Variants in SERPINB9 observed in about 807,000 individuals in gnomAD.
SERPINB9 encodes serpin family B member 9.
A neutral mutation model predicts 27.2 loss-of-function variants in SERPINB9; 20 were observed. That is an observed-to-expected ratio of 0.74 (90% CI 0.52 to 1.07). The LOEUF is 1.07. SERPINB9 is among the 50% of genes least tolerant of loss of function. The pLI, the probability that SERPINB9 is intolerant of heterozygous loss-of-function variation, is 0.00. For missense variants in SERPINB9, 476 were observed against 460.1 expected (o/e 1.03, Z -0.32); for synonymous variants, 189 against 180.0 (o/e 1.05, Z -0.40).
Position 2,890,644 on chromosome 6 carries a change from C to T in SERPINB9, c.724-74G>A. The T allele has an allele frequency of 2.9e-6, 4 of 1,382,462 alleles. No individual in the cohort carries two copies. The highest frequency in any genetic ancestry group is 4.0e-6 in the Non-Finnish European group (4 of 1,004,074). 85.6% of individuals were successfully genotyped at this position (1,382,462 alleles called of 1,614,324 possible). ...ACAAGCGCACAGGCACTCACAGTTCCCTTCCTCCCCTTGCACGTAGGTGTT... is the reference window on the plus strand; with the variant it reads ...ACAAGCGCACAGGCACTCACAGTTCTCTTCCTCCCCTTGCACGTAGGTGTT... On this transcript the variant is annotated intron_variant, in intron 6 of 6. Transcript: ENST00000380698. This position sits in a 1 kb window ranked among gnomAD's most constrained non-coding sequence, Gnocchi z 6.2.
rs1429316027 is a variant in SERPINB9, at chr6:2,902,816, C to T, written c.-11+385G>A. On this transcript the variant is annotated intron_variant, in intron 1 of 6. Coordinates refer to ENST00000380698, the MANE Select transcript of SERPINB9 (RefSeq NM_004155.6). ...TACAGGCGTGAGCCACTGCGCCCGG[C>T]CGAGACTGGTGACTGTAAAGGACAG... Among the ~76,000 whole-genome samples the T allele has an allele frequency of 2.6e-5, 4 of 152,204 alleles. No homozygotes were observed. The East Asian group carries it at 7.7e-4, about 29-fold the overall frequency.
chr6:2,901,981 ATCCT>A (rs1399535222), intron 1 of SERPINB9, among the ~76,000 whole-genome samples: 1 of 151,964 alleles, frequency 6.6e-6, no homozygotes, highest in Non-Finnish European at 1.5e-5. Context: ...CGGTGTCTTA[ATCCT>A]CTTGTCCTTC....
Position 2,890,875 on chromosome 6 carries a change from G to GT in SERPINB9, c.724-306dup, listed in dbSNP as rs779177496. On this transcript the variant is annotated intron_variant, in intron 6 of 6. Transcript: ENST00000380698. The surrounding 1 kb of genome is among the most constrained non-coding windows in gnomAD (Gnocchi z 6.2). Reference sequence around the variant, plus strand: ...CAAGTGTCAATGCCCAGGCGACTGTGTTTTTTTTTCAAACATAGTCTTTTT... The same window carrying GT: ...CAAGTGTCAATGCCCAGGCGACTGTGTTTTTTTTTTCAAACATAGTCTTTTT... 7.3e-5 allele frequency among the ~76,000 whole-genome samples: 11 copies of GT among 150,772 alleles called. No homozygotes were observed. The highest frequency in any genetic ancestry group is 2.1e-4 in the South Asian group (1 of 4,714).
chr6:2,891,823 C>T lies in SERPINB9; in HGVS notation c.723+10G>A, dbSNP rs772580805. The T allele has an allele frequency of 8.8e-6, 14 of 1,583,862 alleles. No homozygotes were observed. The highest frequency in any genetic ancestry group is 6.7e-5 in the East Asian group (3 of 44,484). ...GTGTCCCTGGGTTCTTCCCGCAGCC[C>T]GGGTCTTACCGTGCTGAGCTCCACG... On this transcript the variant is annotated intron_variant, in intron 6 of 6. Coordinates refer to ENST00000380698, the MANE Select transcript of SERPINB9 (RefSeq NM_004155.6). The surrounding 1 kb of genome is among the most constrained non-coding windows in gnomAD (Gnocchi z 4.0).
In SERPINB9 at chr6:2,901,645, C is replaced by A. The variant is rs139378804; in HGVS notation, c.-10-1024G>T. On this transcript the variant is annotated intron_variant, in intron 1 of 6. Transcript: ENST00000380698. ...AACCCCCACCCCCAGGCTGCAGTTC[C>A]CAGTGCACTTGGAAATGAGACCCTG... 8.0e-3 allele frequency among the ~76,000 whole-genome samples: 1,214 copies of A among 152,248 alleles called. 19 individuals carry two copies. The highest frequency in any genetic ancestry group is 0.028 in the African/African-American group (1,161 of 41,542).
In SERPINB9 at chr6:2,888,603, T is replaced by G. The variant is rs1767672308; in HGVS notation, c.*1560A>C. On this transcript the variant is annotated 3_prime_UTR_variant, in exon 7 of 7. Coordinates refer to ENST00000380698, the MANE Select transcript of SERPINB9 (RefSeq NM_004155.6). The stretch of plus-strand genomic sequence containing the variant: ...ACAAAAGGTCTCATACAATTCAATT[T>G]ATATAAAATAGCAAGAATAGATAAA... The G allele has an allele frequency of 6.6e-6, 1 of 152,192 alleles. No homozygotes were observed. The highest frequency in any genetic ancestry group is 2.1e-4 in the South Asian group (1 of 4,830). The allele number at this position is 152,192 out of a possible 1,614,324, so 9.4% of individuals were successfully genotyped here. A position where few individuals can be genotyped will look rare whatever the true frequency, so the allele number is the denominator to read the frequency against.
intron 2 of SERPINB9, chr6:2,899,961 T>C (rs1428697861): frequency 4.4e-6 from 2 of 454,200 alleles, no homozygotes; most frequent in East Asian, 7.0e-5. Context: ...ACCTGCACAG[T>C]GTGCAGCTGT....
chr6:2,890,043 A>T lies in SERPINB9; in HGVS notation c.*120T>A. On this transcript the variant is annotated 3_prime_UTR_variant, in exon 7 of 7. Transcript: ENST00000380698. The surrounding 1 kb of genome is among the most constrained non-coding windows in gnomAD (Gnocchi z 6.2). ...ATGCTGGCAAATCATGAGGGCAGACAGGTAAAGAATCTGCCCTCATCTTTG... is the reference window on the plus strand; with the variant it reads ...ATGCTGGCAAATCATGAGGGCAGACTGGTAAAGAATCTGCCCTCATCTTTG... 4.7e-6 allele frequency: 4 copies of T among 851,640 alleles called. No individual in the cohort carries two copies. Among genetic ancestry groups the T allele is most frequent in the Non-Finnish European group, 5.4e-6 (3 of 558,718 alleles). The allele number at this position is 851,640 out of a possible 1,614,324, so 52.8% of individuals were successfully genotyped here.
intron 4 of SERPINB9, 152 bp downstream of exon 4, chr6:2,895,239 C>T (rs945108954): frequency 3.3e-6 from 2 of 597,366 alleles, no homozygotes; most frequent in Admixed American, 3.1e-5. Context: ...TTAGAGGGGG[C>T]GGAGTGGAGA....
chr6:2,890,965 A>T lies in SERPINB9; in HGVS notation c.724-395T>A, dbSNP rs1464273987. The stretch of plus-strand genomic sequence containing the variant: ...AACGAAAGGGCTCTCAGTGTGAGCC[A>T]CTCCAACAGGATTATCTGTCCCAGG... On this transcript the variant is annotated intron_variant, in intron 6 of 6. Coordinates refer to ENST00000380698, the MANE Select transcript of SERPINB9 (RefSeq NM_004155.6). The surrounding 1 kb of genome is among the most constrained non-coding windows in gnomAD (Gnocchi z 6.2). 2.0e-5 allele frequency among the ~76,000 whole-genome samples: 3 copies of T among 152,154 alleles called. No homozygotes were observed. The East Asian group carries it at 5.8e-4, about 29-fold the overall frequency.
rs1767746424 is a variant in SERPINB9, at chr6:2,890,257, C to T, written c.1037G>A (p.Gly346Asp). ...FVVAECCMES[G>D]PRFCADHPFL... ...AGGGTGGTCAGCACAGAACCTGGGG[C>T]CAGATTCCATGCAGCACTCTGCAAC... Residue 346 changes from glycine (G) to aspartate (D), a missense_variant, in exon 7 of 7, where the codon GGC becomes GAC. Gly to Asp is a moderately conservative substitution (Grantham distance 94). Transcript: ENST00000380698. The surrounding 1 kb of genome is among the most constrained non-coding windows in gnomAD (Gnocchi z 6.2). 1.2e-6 allele frequency: 2 copies of T among 1,614,202 alleles called. No individual in the cohort carries two copies. The highest frequency in any genetic ancestry group is 1.7e-6 in the Non-Finnish European group (2 of 1,180,036).
At chr6:2,901,772 C>A (rs985321834) in intron 1 of SERPINB9, among the ~76,000 whole-genome samples, 12 of 152,068 alleles carry the variant, frequency 7.9e-5, no homozygotes, top group Admixed American at 5.9e-4. Flanking sequence ...CACATTTCTT[C>A]CCACTTCGGA....
In SERPINB9 at chr6:2,890,337, A is replaced by T. The variant is rs898034855; in HGVS notation, c.957T>A (p.Phe319Leu). Residue 319 changes from phenylalanine to leucine, a missense_variant, in exon 7 of 7, where the codon TTT (phenylalanine) becomes TTA (leucine). Transcript: ENST00000380698. This position sits in a 1 kb window ranked among gnomAD's most constrained non-coding sequence, Gnocchi z 6.2. Reference sequence around the variant, plus strand: ...CGGTGCCTTCTTCATTCACCTCCACAAAACTCTTGTGCACGAACTTGGACA... The same window carrying T: ...CGGTGCCTTCTTCATTCACCTCCACTAAACTCTTGTGCACGAACTTGGACA... ...LCLSKFVHKSFVEVNEEGTEA... is the reference protein window; with the variant it reads ...LCLSKFVHKSLVEVNEEGTEA... 3.7e-6 allele frequency: 6 copies of T among 1,614,088 alleles called. No individual in the cohort carries two copies. The highest frequency in any genetic ancestry group is 5.1e-6 in the Non-Finnish European group (6 of 1,180,040).
At chr6:2,895,357 T>C (rs1386054760) in intron 4 of SERPINB9, 34 bp downstream of exon 4, 14 of 1,416,532 alleles carry the variant, frequency 9.9e-6, no homozygotes, top group Non-Finnish European at 1.4e-5. Flanking sequence ...GGAGGACGGG[T>C]TGGGAGGAAG....
Position 2,888,490 on chromosome 6 carries a change from A to G in SERPINB9, c.*1673T>C, listed in dbSNP as rs186008240. The G allele has an allele frequency of 9.8e-5, 15 of 152,346 alleles. No homozygotes were observed. The highest frequency in any genetic ancestry group is 3.4e-4 in the African/African-American group (14 of 41,576). 9.4% of individuals were successfully genotyped at this position (152,346 alleles called of 1,614,324 possible). A position where few individuals can be genotyped will look rare whatever the true frequency, so the allele number is the denominator to read the frequency against. ...AATTGTGCTATAAACACATAATACA[A>G]TTTTATTTGGCCATAAAAATGAAGT... On this transcript the variant is annotated 3_prime_UTR_variant, in exon 7 of 7. Coordinates refer to ENST00000380698, the MANE Select transcript of SERPINB9 (RefSeq NM_004155.6).
rs946564159 is a variant in SERPINB9 at position 2,888,226 on chromosome 6, A to G, written c.*1937T>C. The stretch of plus-strand genomic sequence containing the variant: ...TGGACAGAAATTGGAATTCTCATAC[A>G]TTGCTGGTGGGAATGTGGAATGGTT... On this transcript the variant is annotated 3_prime_UTR_variant, in exon 7 of 7. Transcript: ENST00000380698. The G allele has an allele frequency of 2.0e-5, 3 of 152,220 alleles. No individual in the cohort carries two copies. The highest frequency in any genetic ancestry group is 7.2e-5 in the African/African-American group (3 of 41,456). 9.4% of individuals were successfully genotyped at this position (152,220 alleles called of 1,614,324 possible). A position where few individuals can be genotyped will look rare whatever the true frequency, so the allele number is the denominator to read the frequency against.
chr6:2,892,112 A>C, intron 5 of SERPINB9, 124 bp from the exon 6 acceptor site: 4 of 228,980 alleles, frequency 1.7e-5, no homozygotes, highest in South Asian at 9.5e-5. Flanking sequence ...CACTAAAAAA[A>C]AAAAAAAAAA....
At chr6:2,895,293 G>A in intron 4 of SERPINB9, 98 bp downstream of exon 4, 1 of 736,692 alleles carries the variant, frequency 1.4e-6, no homozygotes. Context: ...GGAGGGAGAG[G>A]AGGAGGAGAG....
intron 2 of SERPINB9, among the ~76,000 whole-genome samples, chr6:2,899,472 C>A (rs1768120266): frequency 1.3e-5 from 2 of 152,204 alleles, no homozygotes. Context: ...CGTTATTGAT[C>A]TTTTTGCCAA....
Sources: gnomAD v4.1 joint callset for allele counts (sites outside exome capture counted in the v4.1 genomes callset) on GRCh38, gnomAD v4.1.1 for gene constraint, Gnocchi (gnomAD v3.1) non-coding constraint, MANE v1.5 for transcripts, NCBI Gene and HGNC (gene_info 2026-07-23, HGNC 2026-07-21) for gene names.